Variants in PREPL observed in about 807,000 individuals in gnomAD.
PREPL encodes the protein prolyl endopeptidase-like.
Under a neutral mutation model 70.6 loss-of-function variants are expected in PREPL, and 77 were observed. The observed-to-expected ratio is 1.09, with a 90% CI of 0.91 to 1.32. The LOEUF is 1.32. Ranked by LOEUF, PREPL falls within the 40% of genes most tolerant of loss-of-function variation. The pLI is 0.00. For missense variants in PREPL, 1,002 were observed against 778.2 expected (o/e 1.29, Z -3.42); for synonymous variants, 315 against 264.8 (o/e 1.19, Z -1.84).
rs191809539 is a variant in PREPL, at chr2:44,319,617, A to G, written c.*1739T>C. On this transcript the variant is annotated 3_prime_UTR_variant, in exon 14 of 14. Transcript: ENST00000409411. ...AAATCATCTTTAATGAACACATACT[A>G]TTATGGTAAAAAAAAGTCTACAATT... is the stretch of plus-strand genomic sequence containing the variant. The G allele has an allele frequency of 6.5e-6, 1 of 153,288 alleles. No individual in the cohort carries two copies. The highest frequency in any genetic ancestry group is 2.4e-5 in the African/African-American group (1 of 41,574). 9.5% of individuals were successfully genotyped at this position (153,288 alleles called of 1,614,324 possible).
intron 8 of PREPL, among the ~76,000 whole-genome samples, chr2:44,331,970 G>T (rs143176001): frequency 1.5e-5 from 2 of 135,670 alleles, no homozygotes; most frequent in Non-Finnish European, 3.1e-5. Flanking sequence ...TTTTTGAGAC[G>T]GAGTCTTGCT....
intron 5 of PREPL, among the ~76,000 whole-genome samples, chr2:44,341,133 C>A (rs1376332047): frequency 2.6e-5 from 4 of 152,026 alleles, no homozygotes; most frequent in Non-Finnish European, 5.9e-5. Context: ...ACCAAGCTGA[C>A]TAAAAAGCTT....
intron 1 of PREPL, among the ~76,000 whole-genome samples, chr2:44,348,287 C>T (rs696594): frequency 0.82 from 125,403 of 152,192 alleles, 52,672 homozygotes; most frequent in African/African-American, 0.91. Flanking sequence ...ACAAAATCTA[C>T]AGTTGATCTT....
At position 44,356,042 on chromosome 2, in the gene PREPL, G is replaced by T. The variant is rs182878958; in HGVS notation, c.-49+5338C>A. Among the ~76,000 whole-genome samples, 61 of 152,270 alleles carry T rather than the reference G, an allele frequency of 4.0e-4. No individual in the cohort carries two copies. The East Asian group carries it at 5.0e-3, about 13-fold the overall frequency. On this transcript the variant is annotated intron_variant, in intron 1 of 13. Transcript: ENST00000409411. Reference sequence around the variant, plus strand: ...GTCTTTGAATATCACTGGCTGGCTTGTAAGTATAATAGAGTAAGTTCATCT... The same window carrying T: ...GTCTTTGAATATCACTGGCTGGCTTTTAAGTATAATAGAGTAAGTTCATCT...
intron 10 of PREPL, among the ~76,000 whole-genome samples, chr2:44,326,003 G>A (rs1481371212): frequency 6.6e-6 from 1 of 152,158 alleles, no homozygotes; most frequent in African/African-American, 2.4e-5. Flanking sequence ...TAAAAATAAA[G>A]AGCCTATAAA....
At chr2:44,344,389 A>G (rs1345923540) in intron 3 of PREPL, 131 bp downstream of exon 3, 2 of 701,886 alleles carry the variant, frequency 2.8e-6, no homozygotes, top group Non-Finnish European at 4.6e-6. Context: ...ATTAAAAACT[A>G]GTCATTAAAA....
chr2:44,320,857 G>A lies in PREPL; in HGVS notation c.*499C>T. 1.8e-6 allele frequency: 1 copy of A among 567,438 alleles called. No individual in the cohort carries two copies. The highest frequency in any genetic ancestry group is 3.1e-6 in the Non-Finnish European group (1 of 319,270). The allele number at this position is 567,438 out of a possible 1,614,324, so 35.2% of individuals were successfully genotyped here. ...TTATAGGAGCTTATAACTTTATTCA[G>A]ATAGCATCAATCAGGGATGACCAGA... On this transcript the variant is annotated 3_prime_UTR_variant, in exon 14 of 14. Coordinates refer to ENST00000409411, the MANE Select transcript of PREPL (RefSeq NM_001171613.2).
chr2:44,338,183 C>G (rs995020152), intron 7 of PREPL, among the ~76,000 whole-genome samples, 168 bp downstream of exon 7: 1 of 152,216 alleles, frequency 6.6e-6, no homozygotes, highest in African/African-American at 2.4e-5. Flanking sequence ...CTAAGTAATT[C>G]TAAGATAACC....
Position 44,343,917 on chromosome 2 carries a change from C to G in PREPL, c.177G>C (p.Leu59Phe). Residue 59 changes from leucine to phenylalanine, a missense_variant, in exon 4 of 14, where the codon TTG becomes TTC. Transcript: ENST00000409411. ...AGGGCTGGTCTAACTTAAGTTCCTCCAAATTGAATAAAACTTCATAATTAT... is the reference window on the plus strand; with the variant it reads ...AGGGCTGGTCTAACTTAAGTTCCTCGAAATTGAATAAAACTTCATAATTAT... ...DNDNYEVLFN[L>F]EELKLDQPFI... 6.2e-7 allele frequency: 1 copy of G among 1,613,880 alleles called. No homozygotes were observed. The highest frequency in any genetic ancestry group is 8.5e-7 in the Non-Finnish European group (1 of 1,179,900).
intron 2 of PREPL, among the ~76,000 whole-genome samples, chr2:44,345,240 C>T (rs746326779): frequency 2.6e-5 from 4 of 152,104 alleles, no homozygotes; most frequent in South Asian, 2.1e-4. Context: ...TAGTTGGTGG[C>T]GTAATTTGAA....
At chr2:44,339,034 AGGAAGGT>A in intron 6 of PREPL, 106 bp downstream of exon 6, 1 of 1,479,938 alleles carries the variant, frequency 6.8e-7, no homozygotes, top group Non-Finnish European at 9.0e-7. Flanking sequence ...GGTTATACAT[AGGAAGGT>A]GGCATCAATT....
At chr2:44,360,897 T>C (rs1346643084) in intron 1 of PREPL, among the ~76,000 whole-genome samples, 1 of 152,212 alleles carries the variant, frequency 6.6e-6, no homozygotes, top group African/African-American at 2.4e-5. Flanking sequence ...AAAGGTAGAA[T>C]GCTGCGTCAA....
rs536251987 is a variant in PREPL at position 44,320,853 on chromosome 2, T to C, written c.*503A>G. 60 of 573,488 alleles carry C rather than the reference T, an allele frequency of 1.0e-4. No individual in the cohort carries two copies. The South Asian group carries it at 1.2e-3, about 11-fold the overall frequency. The allele number at this position is 573,488 out of a possible 1,614,324, so 35.5% of individuals were successfully genotyped here. ...TGGCTTATAGGAGCTTATAACTTTA[T>C]TCAGATAGCATCAATCAGGGATGAC... On this transcript the variant is annotated 3_prime_UTR_variant, in exon 14 of 14. Transcript: ENST00000409411.
At chr2:44,352,573 T>C (rs1309067295) in intron 1 of PREPL, among the ~76,000 whole-genome samples, 2 of 152,208 alleles carry the variant, frequency 1.3e-5, no homozygotes, top group African/African-American at 2.4e-5. Flanking sequence ...CATGTAATTC[T>C]TTATTCTTTC....
At position 44,332,513 on chromosome 2, in the gene PREPL, A is replaced by G. The variant is rs1448211473; in HGVS notation, c.1032T>C (p.His344=). ...GACTAGTCTTTGTGATTGGGTCTTCATGCCCAGTTTCCTCAAACAGTTTGC... is the reference window on the plus strand; with the variant it reads ...GACTAGTCTTTGTGATTGGGTCTTCGTGCCCAGTTTCCTCAAACAGTTTGC... ...AEGKLFEETG[H]EDPITKTSRV... Residue 344 remains histidine (H), a synonymous_variant, in exon 8 of 14, where the codon CAT becomes CAC. Transcript: ENST00000409411. 1.9e-6 allele frequency: 3 copies of G among 1,614,020 alleles called. No homozygotes were observed. Among genetic ancestry groups the G allele is most frequent in the Non-Finnish European group, 2.5e-6 (3 of 1,180,012 alleles).
chr2:44,357,251 C>G (rs921231388), intron 1 of PREPL, among the ~76,000 whole-genome samples: 1 of 152,230 alleles, frequency 6.6e-6, no homozygotes, highest in African/African-American at 2.4e-5. Context: ...GGTAATAGCT[C>G]TTTAAGCAGA....
At chr2:44,337,640 C>A (rs753515054) in intron 7 of PREPL, among the ~76,000 whole-genome samples, 2 of 152,208 alleles carry the variant, frequency 1.3e-5, no homozygotes, top group African/African-American at 4.8e-5. Flanking sequence ...CCATCCTCTT[C>A]CCTTCAGTGC....
At chr2:44,353,894 G>C (rs138908204) in intron 1 of PREPL, among the ~76,000 whole-genome samples, 34 of 152,202 alleles carry the variant, frequency 2.2e-4, no homozygotes, top group Non-Finnish European at 3.8e-4. Flanking sequence ...GGCATGGTGG[G>C]TCACACATGT....
At chr2:44,346,485 G>T (rs698763) in intron 1 of PREPL, 95 bp from the exon 2 acceptor site, 1 of 1,101,240 alleles carries the variant, frequency 9.1e-7, no homozygotes, top group Non-Finnish European at 1.3e-6. Context: ...TAGACTTAAC[G>T]TTGTACAAAA....
Sources: allele counts gnomAD v4.1 joint callset (sites outside exome capture counted in the v4.1 genomes callset), GRCh38; gene constraint gnomAD v4.1.1; transcripts MANE v1.5; gene names NCBI Gene and HGNC (gene_info 2026-07-23, HGNC 2026-07-21).